The following ARHGAP26 variants were observed in gnomAD, a reference collection of about 807,000 sequenced individuals.
ARHGAP26 encodes Rho GTPase activating protein 26, also known as rho GTPase-activating protein 26.
In ARHGAP26, 38 loss-of-function variants were observed where a neutral mutation model predicts 104.8. The observed-to-expected ratio is 0.36, with a 90% CI of 0.28 to 0.48. The LOEUF (loss-of-function observed/expected upper bound fraction) is 0.48. Among genes scored for constraint, ARHGAP26 ranks in the 20% least tolerant of loss-of-function variants. ARHGAP26 has a pLI of 0.99. For synonymous variants in ARHGAP26, 341 were observed against 340.0 expected (o/e 1.00, Z -0.03); for missense variants, 704 against 947.9 (o/e 0.74, Z 3.38).
chr5:142,822,351 C>T (rs1032526079), intron 1 of ARHGAP26, among the ~76,000 whole-genome samples: 3 of 152,200 alleles, frequency 2.0e-5, no homozygotes, highest in South Asian at 2.1e-4. Context: ...CTGTTAATCT[C>T]GAAAGGGGAA....
intron 17 of ARHGAP26, among the ~76,000 whole-genome samples, chr5:143,092,077 C>G (rs1428435474): frequency 6.6e-6 from 1 of 151,638 alleles, no homozygotes; most frequent in Non-Finnish European, 1.5e-5. Flanking sequence ...CATAAATTCC[C>G]TTTTATAACT....
chr5:142,870,826 G>T (rs1169839807), intron 1 of ARHGAP26, among the ~76,000 whole-genome samples: 1 of 152,154 alleles, frequency 6.6e-6, no homozygotes, highest in African/African-American at 2.4e-5. Flanking sequence ...TTGGGGTGGG[G>T]GCAAGGGGTT....
chr5:142,802,925 G>A (rs1762338932), intron 1 of ARHGAP26, among the ~76,000 whole-genome samples: 1 of 152,138 alleles, frequency 6.6e-6, no homozygotes, highest in Non-Finnish European at 1.5e-5. Flanking sequence ...TACCCCATAG[G>A]GCTCATTCAA....
chr5:143,151,037 T>C (rs988919830), intron 20 of ARHGAP26, among the ~76,000 whole-genome samples: 1 of 152,042 alleles, frequency 6.6e-6, no homozygotes, highest in African/African-American at 2.4e-5. Flanking sequence ...AGGACCAGTA[T>C]CCAAAATATA....
intron 21 of ARHGAP26, among the ~76,000 whole-genome samples, chr5:143,213,379 C>T (rs904469104): frequency 3.3e-5 from 5 of 151,864 alleles, no homozygotes; most frequent in African/African-American, 1.2e-4. Context: ...TGCTCATGCA[C>T]ACACATGTGT....
At position 142,963,198 on chromosome 5, in the gene ARHGAP26, A is replaced by ATGTG. The variant is rs1217350223; in HGVS notation, c.1107+31092_1107+31095dup. Among the ~76,000 whole-genome samples the ATGTG allele has an allele frequency of 4.4e-3, 437 of 98,310 alleles. 7 individuals are homozygous for ATGTG. The highest frequency in any genetic ancestry group is 0.023 in the African/African-American group (381 of 16,346). The allele number at this position is 98,310 out of a possible 152,430, so 64.5% of individuals were successfully genotyped here. A position where few individuals can be genotyped will look rare whatever the true frequency, so the allele number is the denominator to read the frequency against. ...TATATATATATATATATATATATAT[A>ATGTG]TGTGTGTGTGTGTGTGTGTGTGCGC... On this transcript the variant is annotated intron_variant, in intron 11 of 22. Transcript: ENST00000645722.
intron 17 of ARHGAP26, among the ~76,000 whole-genome samples, chr5:143,100,277 G>T (rs1344749568): frequency 6.6e-6 from 1 of 152,212 alleles, no homozygotes; most frequent in Non-Finnish European, 1.5e-5. Context: ...TCATCCTAGA[G>T]AAGCTGCAGA....
intron 11 of ARHGAP26, among the ~76,000 whole-genome samples, chr5:142,984,837 G>A (rs897790316): frequency 1.3e-5 from 2 of 152,046 alleles, no homozygotes; most frequent in African/African-American, 4.8e-5. Context: ...TGCAATACTT[G>A]ATAATAAATG....
At chr5:142,898,582 C>G (rs1056118147) in intron 6 of ARHGAP26, among the ~76,000 whole-genome samples, 2 of 152,190 alleles carry the variant, frequency 1.3e-5, no homozygotes, top group African/African-American at 4.8e-5. Context: ...CCAGTCTGGC[C>G]TGGACCAGAA....
chr5:143,216,270 C>T (rs1167974317), intron 22 of ARHGAP26: 1 of 471,236 alleles, frequency 2.1e-6, no homozygotes, highest in Admixed American at 2.3e-5. Flanking sequence ...GGCACTTCCA[C>T]TGGCCGCCTG....
chr5:142,845,542 G>T (rs565813455), intron 1 of ARHGAP26, among the ~76,000 whole-genome samples: 1 of 152,156 alleles, frequency 6.6e-6, no homozygotes, highest in African/African-American at 2.4e-5. Flanking sequence ...CCAGACATCC[G>T]CAGTTACTGT....
chr5:143,146,278 T>G (rs1358165164), intron 19 of ARHGAP26, among the ~76,000 whole-genome samples: 1 of 152,206 alleles, frequency 6.6e-6, no homozygotes, highest in African/African-American at 2.4e-5. Flanking sequence ...TGATTCCAAG[T>G]TTTTAAAGAT....
intron 11 of ARHGAP26, among the ~76,000 whole-genome samples, chr5:142,985,049 T>A (rs1774471016): frequency 6.6e-6 from 1 of 152,094 alleles, no homozygotes; most frequent in Non-Finnish European, 1.5e-5. Flanking sequence ...TGGGACAAGA[T>A]GTGGAGGTGG....
intron 11 of ARHGAP26, among the ~76,000 whole-genome samples, chr5:142,991,646 A>G (rs1019330891): frequency 2.6e-5 from 4 of 152,150 alleles, no homozygotes; most frequent in South Asian, 4.1e-4. Context: ...CTATGTTTAG[A>G]TATGTTTAGA....
intron 5 of ARHGAP26, among the ~76,000 whole-genome samples, chr5:142,892,204 G>A (rs1003441271): frequency 2.6e-5 from 4 of 151,954 alleles, no homozygotes; most frequent in East Asian, 3.8e-4. Context: ...AGCTTGTTTT[G>A]TGTATTGGAA....
chr5:142,924,732 G>A (rs927046713), intron 10 of ARHGAP26, among the ~76,000 whole-genome samples: 15 of 152,178 alleles, frequency 9.9e-5, no homozygotes, highest in East Asian at 3.8e-4. Context: ...ATCAGAGCAC[G>A]CATAGTAGTG....
At chr5:142,886,926 C>G (rs1285799522) in intron 5 of ARHGAP26, among the ~76,000 whole-genome samples, 1 of 152,172 alleles carries the variant, frequency 6.6e-6, no homozygotes, top group East Asian at 1.9e-4. Flanking sequence ...TAAAGAAAAG[C>G]TTTTTGGCTG....
chr5:143,154,041 T>C (rs1278092031), intron 20 of ARHGAP26, among the ~76,000 whole-genome samples: 1 of 152,092 alleles, frequency 6.6e-6, no homozygotes, highest in African/African-American at 2.4e-5. Flanking sequence ...GAGATATCTC[T>C]CAAATTTTAC....
At chr5:143,058,435 C>T (rs774315455) in intron 17 of ARHGAP26, among the ~76,000 whole-genome samples, 4 of 152,248 alleles carry the variant, frequency 2.6e-5, no homozygotes, top group Non-Finnish European at 5.9e-5. Flanking sequence ...TGTGTATTTA[C>T]TGTTCCTTGA....
Sources: allele counts gnomAD v4.1 joint callset (sites outside exome capture counted in the v4.1 genomes callset), GRCh38; gene constraint gnomAD v4.1.1; transcripts MANE v1.5; gene names NCBI Gene and HGNC (gene_info 2026-07-23, HGNC 2026-07-21).